Variants in AAK1 observed in about 807,000 individuals in gnomAD.
AAK1 encodes AP2-associated protein kinase 1.
A neutral mutation model predicts 116.0 loss-of-function variants in AAK1; 37 were observed. The observed-to-expected ratio is 0.32, with a 90% CI of 0.25 to 0.42. AAK1 has a LOEUF of 0.42. Ranked by LOEUF, AAK1 falls within the 10% of genes least tolerant of loss-of-function variation. The pLI is 1.00. For synonymous variants in AAK1, 458 were observed against 439.9 expected (o/e 1.04, Z -0.51); for missense variants, 919 against 1,170.6 (o/e 0.79, Z 3.14).
intron 16 of AAK1, among the ~76,000 whole-genome samples, chr2:69,496,969 T>C (rs1293292973): frequency 2.0e-5 from 3 of 152,124 alleles, no homozygotes; most frequent in Non-Finnish European, 4.4e-5. Flanking sequence ...TTTGGCAAAA[T>C]ATAGATTTAC....
At chr2:69,594,349 A>G (rs1032828681) in intron 2 of AAK1, among the ~76,000 whole-genome samples, 8 of 152,198 alleles carry the variant, frequency 5.3e-5, no homozygotes, top group African/African-American at 1.9e-4. Context: ...TAAGAGCTGT[A>G]CCTCCACATC....
At chr2:69,484,031 A>G (rs954328289) in intron 17 of AAK1, among the ~76,000 whole-genome samples, 1 of 152,262 alleles carries the variant, frequency 6.6e-6, no homozygotes, top group East Asian at 1.9e-4. Flanking sequence ...TTTCCTGTTA[A>G]GAGGAGACTT....
chr2:69,541,770 C>T (rs1558947423), intron 5 of AAK1, among the ~76,000 whole-genome samples: 1 of 152,116 alleles, frequency 6.6e-6, no homozygotes, highest in African/African-American at 2.4e-5. Flanking sequence ...ATTTAACAAG[C>T]ATGCTAGGGG....
chr2:69,561,529 C>A (rs1014928094), intron 2 of AAK1, among the ~76,000 whole-genome samples: 1 of 152,234 alleles, frequency 6.6e-6, no homozygotes, highest in Admixed American at 6.5e-5. Context: ...GTTCCTTTCA[C>A]AAGAATGCAC....
intron 2 of AAK1, among the ~76,000 whole-genome samples, chr2:69,565,583 C>T (rs1671828799): frequency 6.6e-6 from 1 of 152,252 alleles, no homozygotes; most frequent in Admixed American, 6.5e-5. Context: ...GCCGTCCCCT[C>T]CCTGCAGCAG....
At position 69,620,416 on chromosome 2, in the gene AAK1, C is replaced by T. The variant is rs58311547; in HGVS notation, c.163+22462G>A. Among the ~76,000 whole-genome samples the T allele has an allele frequency of 1.8e-3, 270 of 152,292 alleles. 2 individuals carry two copies. Among genetic ancestry groups the T allele is most frequent in the African/African-American group, 6.3e-3 (262 of 41,546 alleles). On this transcript the variant is annotated intron_variant, in intron 2 of 21. Coordinates refer to ENST00000409085, the MANE Select transcript of AAK1 (RefSeq NM_014911.5). ...CTTCCCATCAGCCTACTGATATGCT[C>T]AAGCATCTCCCAAGCTATGATCTCT...
chr2:69,628,256 G>A (rs1018507143), intron 2 of AAK1, among the ~76,000 whole-genome samples: 1 of 151,684 alleles, frequency 6.6e-6, no homozygotes, highest in Non-Finnish European at 1.5e-5. Flanking sequence ...GACCAGCCTG[G>A]GCAACATAGC....
At chr2:69,523,627 G>A (rs1420278794) in intron 10 of AAK1, among the ~76,000 whole-genome samples, 2 of 152,222 alleles carry the variant, frequency 1.3e-5, no homozygotes, top group African/African-American at 2.4e-5. Context: ...CCATTTGGAA[G>A]GGGTGGCAGC....
chr2:69,554,011 C>T (rs982622731), intron 3 of AAK1, among the ~76,000 whole-genome samples: 7 of 151,218 alleles, frequency 4.6e-5, no homozygotes, highest in South Asian at 4.2e-4. Context: ...CAGGAGATGG[C>T]GGCTGCAGTG....
At chr2:69,482,670 CA>C in intron 18 of AAK1, 40 bp downstream of exon 18, 1 of 1,485,110 alleles carries the variant, frequency 6.7e-7, no homozygotes, top group Non-Finnish European at 9.4e-7. Context: ...AACAGGCACA[CA>C]TATCATGCAT....
At chr2:69,529,953 T>A (rs1670184844) in intron 8 of AAK1, 55 bp downstream of exon 8, 1 of 1,405,218 alleles carries the variant, frequency 7.1e-7, no homozygotes, top group East Asian at 2.6e-5. Context: ...TATCCCCCAA[T>A]TCATTCTTTG....
Position 69,460,579 on chromosome 2 carries a change from C to G in AAK1, c.*15290G>C, listed in dbSNP as rs1674314616. 6.6e-6 allele frequency: 1 copy of G among 152,158 alleles called. No individual in the cohort carries two copies. The highest frequency in any genetic ancestry group is 2.1e-4 in the South Asian group (1 of 4,836). The allele number at this position is 152,158 out of a possible 1,614,324, so 9.4% of individuals were successfully genotyped here. A position where few individuals can be genotyped will look rare whatever the true frequency, so the allele number is the denominator to read the frequency against. ...AAGAGATCTTAGTTGCCAGAGAAAA[C>G]TCAGATACAACATGAGCCTCTAAAC... On this transcript the variant is annotated 3_prime_UTR_variant, in exon 22 of 22. Transcript: ENST00000409085.
intron 2 of AAK1, among the ~76,000 whole-genome samples, chr2:69,622,987 T>C (rs1306957880): frequency 6.7e-6 from 1 of 149,780 alleles, no homozygotes; most frequent in African/African-American, 2.5e-5. Flanking sequence ...CAAATAAGAA[T>C]AAAAGCAGGC....
chr2:69,513,271 G>C (rs1336947108), intron 13 of AAK1, among the ~76,000 whole-genome samples: 1 of 151,970 alleles, frequency 6.6e-6, no homozygotes, highest in Non-Finnish European at 1.5e-5. Flanking sequence ...AGGTTTTCTG[G>C]TTTAAGATGG....
At chr2:69,512,178 C>G (rs1676420065) in intron 13 of AAK1, among the ~76,000 whole-genome samples, 2 of 152,106 alleles carry the variant, frequency 1.3e-5, no homozygotes, top group Non-Finnish European at 2.9e-5. Context: ...AATAAAAAGA[C>G]TCAGATGTCT....
chr2:69,638,380 C>T (rs1342691108), intron 2 of AAK1, among the ~76,000 whole-genome samples: 2 of 152,026 alleles, frequency 1.3e-5, no homozygotes, highest in African/African-American at 2.4e-5. Flanking sequence ...ATCAAACCTT[C>T]TGGGACCACT....
intron 17 of AAK1, among the ~76,000 whole-genome samples, chr2:69,490,301 T>A (rs1416740580): frequency 2.6e-5 from 4 of 152,166 alleles, no homozygotes; most frequent in African/African-American, 7.2e-5. Flanking sequence ...GCAATTCCAT[T>A]TCTGGGTATA....
intron 2 of AAK1, among the ~76,000 whole-genome samples, chr2:69,606,942 T>C (rs1201880548): frequency 1.3e-5 from 2 of 150,804 alleles, no homozygotes; most frequent in Admixed American, 1.3e-4. Context: ...GGTGCATGCC[T>C]GTAGTCCCAG....
intron 3 of AAK1, among the ~76,000 whole-genome samples, chr2:69,553,547 G>A (rs1671270382): frequency 1.4e-5 from 2 of 142,960 alleles, no homozygotes; most frequent in African/African-American, 2.6e-5. Flanking sequence ...GGGTTCAAGC[G>A]ATTCTCCTGC....
Sources: allele counts gnomAD v4.1 joint callset (sites outside exome capture counted in the v4.1 genomes callset), GRCh38; gene constraint gnomAD v4.1.1; transcripts MANE v1.5; gene names NCBI Gene and HGNC (gene_info 2026-07-23, HGNC 2026-07-21).